Variants in CNTN6 observed in about 807,000 individuals in gnomAD.
The protein encoded by CNTN6 is contactin-6.
A neutral mutation model predicts 122.8 loss-of-function variants in CNTN6; 137 were observed. That is an observed-to-expected ratio of 1.12 (90% CI 0.97 to 1.29). CNTN6 has a LOEUF of 1.29. Ranked by LOEUF, CNTN6 falls within the 50% of genes most tolerant of loss-of-function variation. The probability of loss-of-function intolerance (pLI) is 0.00; values close to 1 mark genes in which losing one functional copy is unlikely to be tolerated. For synonymous variants in CNTN6, 570 were observed against 426.0 expected (o/e 1.34, Z -4.16); for missense variants, 1,634 against 1,223.4 (o/e 1.34, Z -5.01).
At chr3:1,301,800 A>G (rs1398661349) in intron 7 of CNTN6, among the ~76,000 whole-genome samples, 2 of 152,202 alleles carry the variant, frequency 1.3e-5, no homozygotes, top group Non-Finnish European at 2.9e-5. Flanking sequence ...TACATTTCTC[A>G]TTTCTTCAAA....
At chr3:1,320,991 CT>C (rs1275349948) in intron 7 of CNTN6, among the ~76,000 whole-genome samples, 1 of 151,460 alleles carries the variant, frequency 6.6e-6, no homozygotes, top group Non-Finnish European at 1.5e-5. Flanking sequence ...GTAAATCCAT[CT>C]TTGTTTTACT....
intron 7 of CNTN6, among the ~76,000 whole-genome samples, chr3:1,303,201 A>G (rs183201973): frequency 2.0e-4 from 23 of 117,712 alleles, no homozygotes; most frequent in African/African-American, 5.8e-4. Context: ...AATTATAGTA[A>G]TTCAAAATTA....
At chr3:1,202,779 AC>A (rs1268977456) in intron 2 of CNTN6, among the ~76,000 whole-genome samples, 1 of 152,146 alleles carries the variant, frequency 6.6e-6, no homozygotes, top group Non-Finnish European at 1.5e-5. Context: ...ATAAAAGAAA[AC>A]AAAAATATTG....
chr3:1,118,361 C>T (rs2091813423), intron 1 of CNTN6, among the ~76,000 whole-genome samples: 4 of 152,090 alleles, frequency 2.6e-5, no homozygotes, highest in Admixed American at 1.3e-4. Context: ...TAGTAATGCT[C>T]ACAAGCAAGA....
intron 2 of CNTN6, among the ~76,000 whole-genome samples, chr3:1,183,678 A>C (rs1393873290): frequency 6.6e-6 from 1 of 152,058 alleles, no homozygotes; most frequent in Non-Finnish European, 1.5e-5. Flanking sequence ...TTCCAAGAGA[A>C]CTCTAGTCTG....
At chr3:1,274,925 T>C (rs921946112) in intron 4 of CNTN6, among the ~76,000 whole-genome samples, 5 of 152,122 alleles carry the variant, frequency 3.3e-5, no homozygotes, top group Admixed American at 6.5e-5. Context: ...GGTGTGTTTA[T>C]TGGATCTTTT....
intron 1 of CNTN6, among the ~76,000 whole-genome samples, chr3:1,140,706 T>TA (rs535738174): frequency 7.2e-5 from 11 of 151,798 alleles, no homozygotes; most frequent in South Asian, 4.2e-4. Context: ...TTTCTCTGAT[T>TA]AAAAAAAAAT....
intron 1 of CNTN6, among the ~76,000 whole-genome samples, chr3:1,147,720 T>C (rs1260673317): frequency 1.3e-5 from 2 of 152,104 alleles, no homozygotes; most frequent in Non-Finnish European, 2.9e-5. Context: ...TTTCTAATAT[T>C]TGAGGTGTGA....
intron 1 of CNTN6, among the ~76,000 whole-genome samples, chr3:1,130,522 C>T (rs534928209): frequency 7.2e-4 from 110 of 152,236 alleles, no homozygotes; most frequent in African/African-American, 2.4e-3. Flanking sequence ...AGTTCCTGAG[C>T]ATTGTTCTGC....
chr3:1,194,019 A>G (rs1344963542), intron 2 of CNTN6, among the ~76,000 whole-genome samples: 1 of 152,106 alleles, frequency 6.6e-6, no homozygotes, highest in Non-Finnish European at 1.5e-5. Flanking sequence ...GCCCTATGCT[A>G]ATCTCTGCAT....
Position 1,206,101 on chromosome 3 carries a change from G to A in CNTN6, c.56-14586G>A, listed in dbSNP as rs555964266. Among the ~76,000 whole-genome samples the A allele has an allele frequency of 2.6e-5, 4 of 152,180 alleles. No homozygotes were observed. In the South Asian group the frequency reaches 8.3e-4, roughly 32 times the overall value. ...ATCTGCAAGAGTACCTAATTGCAGG[G>A]TACTCTGCAATCTTTCCATGTCCAT... On this transcript the variant is annotated intron_variant, in intron 2 of 22. Transcript: ENST00000446702.
At chr3:1,123,548 T>C (rs765837550) in intron 1 of CNTN6, among the ~76,000 whole-genome samples, 6 of 152,072 alleles carry the variant, frequency 3.9e-5, no homozygotes, top group Non-Finnish European at 8.8e-5. Flanking sequence ...ATCTTCTACC[T>C]ACAACTTTGC....
intron 1 of CNTN6, among the ~76,000 whole-genome samples, chr3:1,133,958 G>C (rs1223890067): frequency 1.3e-5 from 2 of 152,094 alleles, no homozygotes; most frequent in Admixed American, 6.6e-5. Context: ...TTTCTCAAAA[G>C]TACCTTCACA....
At chr3:1,359,084 C>G (rs991878705) in intron 12 of CNTN6, among the ~76,000 whole-genome samples, 1 of 152,020 alleles carries the variant, frequency 6.6e-6, no homozygotes, top group East Asian at 1.9e-4. Flanking sequence ...GTACAGAAGT[C>G]TTCTATTGTA....
At chr3:1,208,722 C>G (rs1398452077) in intron 2 of CNTN6, among the ~76,000 whole-genome samples, 2 of 152,066 alleles carry the variant, frequency 1.3e-5, no homozygotes, top group East Asian at 1.9e-4. Flanking sequence ...ATTCTCTAAA[C>G]CTCATTTTCT....
At chr3:1,379,189 G>C (rs956984322) in intron 17 of CNTN6, among the ~76,000 whole-genome samples, 1 of 148,990 alleles carries the variant, frequency 6.7e-6, no homozygotes, top group Non-Finnish European at 1.5e-5. Context: ...AATTACCAAA[G>C]AATACTGTCT....
chr3:1,110,000 G>T (rs974009683), intron 1 of CNTN6, among the ~76,000 whole-genome samples: 1 of 152,012 alleles, frequency 6.6e-6, no homozygotes, highest in Admixed American at 6.6e-5. Context: ...TCTTAAAATT[G>T]TTGTCTAGTT....
chr3:1,327,687 T>C (rs1421939590), intron 10 of CNTN6, 101 bp downstream of exon 10: 3 of 1,181,966 alleles, frequency 2.5e-6, no homozygotes, highest in Non-Finnish European at 3.6e-6. Flanking sequence ...TAGAAATTGC[T>C]GTCCCATCAA....
chr3:1,222,142 C>G (rs957575458), intron 3 of CNTN6, among the ~76,000 whole-genome samples: 18 of 152,136 alleles, frequency 1.2e-4, no homozygotes, highest in Non-Finnish European at 1.8e-4. Context: ...ATTCCACAGA[C>G]TAAAGCTTCC....
Sources: gnomAD v4.1 joint callset for allele counts (sites outside exome capture counted in the v4.1 genomes callset) on GRCh38, gnomAD v4.1.1 for gene constraint, MANE v1.5 for transcripts, NCBI Gene and HGNC (gene_info 2026-07-23, HGNC 2026-07-21) for gene names.